Variants in USP6 observed in about 807,000 individuals in gnomAD.
The protein encoded by USP6 is ubiquitin specific peptidase 6, also known as ubiquitin carboxyl-terminal hydrolase 6.
A neutral mutation model predicts 175.7 loss-of-function variants in USP6; 128 were observed. The ratio of observed to expected loss-of-function variants is 0.73; its 90% CI spans 0.63 to 0.84. The LOEUF is 0.84. Among genes scored for constraint, USP6 ranks in the 40% least tolerant of loss-of-function variants. The pLI, the probability that USP6 is intolerant of heterozygous loss-of-function variation, is 0.00. For synonymous variants in USP6, 562 were observed against 630.6 expected, an observed-to-expected ratio of 0.89 and a Z score of 1.63; for missense variants, 1,498 against 1,760.3, an observed-to-expected ratio of 0.85 and a Z score of 2.67.
In USP6 at chr17:5,147,139, A is replaced by G; in HGVS notation, c.2376A>G (p.Ala792=). The G allele has an allele frequency of 1.9e-6, 3 of 1,613,822 alleles. No individual in the cohort carries two copies. Among genetic ancestry groups the G allele is most frequent in the Non-Finnish European group, 2.5e-6 (3 of 1,179,838 alleles). The change falls in exon 29 of 38, where the codon GCA becomes GCG. Residue 792 remains alanine (A), a synonymous_variant. Coordinates refer to ENST00000574788, the MANE Select transcript of USP6 (RefSeq NM_001304284.2). ...TCTCAGTGAGCGGATTTTTGTGTGC[A>G]TTTGAAATTCCTGTCCCTTCATCTC... ...VQLSVSGFLC[A]FEIPVPSSPI...
At chr17:5,169,132 G>A in intron 35 of USP6, 77 bp downstream of exon 35, 2 of 1,443,822 alleles carry the variant, frequency 1.4e-6, no homozygotes, top group Non-Finnish European at 1.8e-6. Flanking sequence ...CTTCTGTTCT[G>A]GAACATCAGG....
Position 5,172,937 on chromosome 17 carries a change from GA to G in USP6, c.4181del (p.Asp1394AlafsTer32). On this transcript the variant is annotated frameshift_variant, in exon 38 of 38. Coordinates refer to ENST00000574788, the MANE Select transcript of USP6 (RefSeq NM_001304284.2). LOFTEE classifies it high-confidence loss of function. ...GGCAGACACAAGCAGTACGGATGAA[GA>G]CTCTGAGTCTGATTACGAAAAGTAC... The part of the protein sequence containing the change: ...KMADTSSTDE[D>X]SESDYEKYSM... 1 of 1,613,976 alleles carries G rather than the reference GA, an allele frequency of 6.2e-7. No homozygotes were observed. The highest frequency in any genetic ancestry group is 8.5e-7 in the Non-Finnish European group (1 of 1,179,870).
intron 22 of USP6, among the ~76,000 whole-genome samples, chr17:5,140,779 G>A (rs2073422961): frequency 6.6e-6 from 1 of 152,106 alleles, no homozygotes; most frequent in East Asian, 1.9e-4. Flanking sequence ...CACACACCTG[G>A]GCTGAATGGT....
At chr17:5,131,654 C>T (rs1177964609) in intron 11 of USP6, among the ~76,000 whole-genome samples, 2 of 150,496 alleles carry the variant, frequency 1.3e-5, no homozygotes, top group South Asian at 2.1e-4. Flanking sequence ...CCATTCTGGG[C>T]CTCTCACGGT....
chr17:5,155,694 C>G (rs1428034641), intron 31 of USP6, 88 bp downstream of exon 31: 2 of 1,286,900 alleles, frequency 1.6e-6, no homozygotes, highest in Non-Finnish European at 2.0e-6. Context: ...TAGGGCCCAG[C>G]CCATGTCAAG....
chr17:5,166,052 A>G (rs2074089245), intron 33 of USP6, among the ~76,000 whole-genome samples: 1 of 152,220 alleles, frequency 6.6e-6, no homozygotes, highest in African/African-American at 2.4e-5. Context: ...GCCATGAGAA[A>G]GGAAACACTA....
At position 5,148,662 on chromosome 17, in the gene USP6, A is replaced by G. The variant is rs1209919020; in HGVS notation, c.2538A>G (p.Pro846=). The G allele has an allele frequency of 3.1e-6, 5 of 1,613,978 alleles. No individual in the cohort carries two copies. The East Asian group carries it at 1.1e-4, about 36-fold the overall frequency. The part of the protein sequence containing the change: ...IPNGMPNTVV[P]CGTEKNFTNG... ...ATGGAATGCCAAACACTGTTGTGCC[A>G]TGTGGAACTGAGAAGAACTTCACAA... Residue 846 remains proline (P), a synonymous_variant, in exon 30 of 38, where the codon CCA becomes CCG. Transcript: ENST00000574788.
At chr17:5,140,966 G>C (rs2073427679) in intron 22 of USP6, among the ~76,000 whole-genome samples, 2 of 152,158 alleles carry the variant, frequency 1.3e-5, no homozygotes. Flanking sequence ...TTTTTTAAGA[G>C]ATAAAGTCTC....
At position 5,139,673 on chromosome 17, in the gene USP6, G is replaced by C. The variant is rs763189590; in HGVS notation, c.1497G>C (p.Glu499Asp). 6.2e-7 allele frequency: 1 copy of C among 1,606,960 alleles called. No individual in the cohort carries two copies. The highest frequency in any genetic ancestry group is 8.5e-7 in the Non-Finnish European group (1 of 1,180,002). ...ATCWQAEHCG[E>D]VHNKDMSWPE... The stretch of plus-strand genomic sequence containing the variant: ...GCTGGCAGGCTGAACACTGCGGAGA[G>C]GGTGAGGTTGGCTTTCACTGCACTG... Residue 499 changes from glutamate (E) to aspartate (D), a missense_variant and splice_region_variant, in exon 22 of 38, where the codon GAG (glutamate) becomes GAC (aspartate). Around this residue, in one of 2 missense-constraint regions of USP6, gnomAD observed 1,217 missense variants for 1,500.8 expected, o/e 0.81. Coordinates refer to ENST00000574788, the MANE Select transcript of USP6 (RefSeq NM_001304284.2).
intron 22 of USP6, among the ~76,000 whole-genome samples, chr17:5,140,584 TAAG>T (rs1369498114): frequency 6.6e-6 from 1 of 152,112 alleles, no homozygotes; most frequent in East Asian, 1.9e-4. Context: ...TAAAAAAAAT[TAAG>T]AAATGTAATG....
intron 4 of USP6, among the ~76,000 whole-genome samples, chr17:5,122,649 T>A (rs530234794): frequency 7.2e-5 from 11 of 152,156 alleles, no homozygotes; most frequent in African/African-American, 2.6e-4. Context: ...AACGCGTGTC[T>A]CCCCTGGACA....
At chr17:5,154,473 T>A (rs182661701) in intron 30 of USP6, among the ~76,000 whole-genome samples, 5 of 152,372 alleles carry the variant, frequency 3.3e-5, no homozygotes, top group Admixed American at 3.3e-4. Flanking sequence ...AGGAATATCA[T>A]AAATGTCTCT....
rs934056371 is a variant in USP6, at chr17:5,174,275, G to A, written c.*1297G>A. ...TGTAGTTTCTTAATATATACTTGAA[G>A]GAAATGTTTCACCTTATTTTTGGTC... On this transcript the variant is annotated 3_prime_UTR_variant, in exon 38 of 38. Coordinates refer to ENST00000574788, the MANE Select transcript of USP6 (RefSeq NM_001304284.2). The A allele has an allele frequency of 1.6e-5, 3 of 188,890 alleles. No homozygotes were observed. Among genetic ancestry groups the A allele is most frequent in the Admixed American group, 6.2e-5 (1 of 16,190 alleles). 11.7% of individuals were successfully genotyped at this position (188,890 alleles called of 1,614,324 possible).
At position 5,145,464 on chromosome 17, in the gene USP6, G is replaced by A. The variant is rs2143993911; in HGVS notation, c.2052G>A (p.Gln684=). ...RSIIVDLFHG[Q]LRSQVKCKTC... ...TTATTGTGGATTTGTTCCATGGGCA[G>A]CTAAGATCTCAAGTCAAATGCAAGA... Residue 684 remains glutamine (Q), a synonymous_variant, in exon 27 of 38, where the codon CAG becomes CAA. Transcript: ENST00000574788. 1 of 1,612,984 alleles carries A rather than the reference G, an allele frequency of 6.2e-7. No individual in the cohort carries two copies. The highest frequency in any genetic ancestry group is 8.5e-7 in the Non-Finnish European group (1 of 1,179,500).
rs577188246 is a variant in USP6 at position 5,121,646 on chromosome 17, C to T, written c.-1403C>T. On this transcript the variant is annotated 5_prime_UTR_variant, in exon 4 of 38. It adds an upstream start codon to the 5' untranslated region. Transcript: ENST00000574788. ...AGCAGCTGTGCGAGCTCTGCTGCGA[C>T]GCGGAGCACCAGGACCATGAGCACC... 3.1e-4 allele frequency: 50 copies of T among 159,510 alleles called. No homozygotes were observed. The highest frequency in any genetic ancestry group is 5.6e-4 in the Non-Finnish European group (40 of 71,826). 9.9% of individuals were successfully genotyped at this position (159,510 alleles called of 1,614,324 possible).
intron 32 of USP6, among the ~76,000 whole-genome samples, chr17:5,162,160 G>A (rs1006374594): frequency 2.6e-5 from 4 of 151,490 alleles, no homozygotes; most frequent in Non-Finnish European, 5.9e-5. Context: ...TTTTTGTTTT[G>A]TTTTGTTTTG....
At chr17:5,122,363 T>TG (rs1281014276) in intron 4 of USP6, among the ~76,000 whole-genome samples, 1 of 152,014 alleles carries the variant, frequency 6.6e-6, no homozygotes, top group Non-Finnish European at 1.5e-5. Flanking sequence ...AAGAGCAAGG[T>TG]GGGTGGTGGT....
intron 4 of USP6, among the ~76,000 whole-genome samples, chr17:5,123,867 AC>A: frequency 6.6e-6 from 1 of 151,046 alleles, no homozygotes; most frequent in Non-Finnish European, 1.5e-5. Context: ...AACACCGTAC[AC>A]CCCCTAATGC....
chr17:5,143,606 C>T (rs1244437657), intron 25 of USP6, among the ~76,000 whole-genome samples: 2 of 151,956 alleles, frequency 1.3e-5, no homozygotes, highest in Non-Finnish European at 2.9e-5. Flanking sequence ...TACCCAGGGA[C>T]ACAAACACTG....
Sources: gnomAD v4.1 joint callset for allele counts (sites outside exome capture counted in the v4.1 genomes callset) on GRCh38, gnomAD v4.1.1 for gene constraint, gnomAD v4.1.1 regional missense constraint, MANE v1.5 for transcripts, NCBI Gene and HGNC (gene_info 2026-07-23, HGNC 2026-07-21) for gene names.